The following CD44 variants were observed in gnomAD, a reference collection of about 807,000 sequenced individuals.
CD44 encodes CD44 antigen.
CD44 carries 49 observed loss-of-function variants against 88.8 expected under a neutral mutation model. That is an observed-to-expected ratio of 0.55 (90% CI 0.44 to 0.70). The LOEUF (loss-of-function observed/expected upper bound fraction) is 0.70. CD44 is among the 30% of genes least tolerant of loss of function. The probability of loss-of-function intolerance (pLI) is 0.00; values close to 1 mark genes in which losing one functional copy is unlikely to be tolerated. For synonymous variants in CD44, 325 were observed against 312.3 expected (o/e 1.04, Z -0.43); for missense variants, 883 against 913.8 (o/e 0.97, Z 0.43).
chr11:35,160,900 A>G (rs998342546), intron 1 of CD44, among the ~76,000 whole-genome samples: 3 of 152,182 alleles, frequency 2.0e-5, no homozygotes, highest in Non-Finnish European at 2.9e-5. Flanking sequence ...GGTGTTTTAT[A>G]AAGTCTCTCT....
intron 1 of CD44, among the ~76,000 whole-genome samples, chr11:35,166,119 C>T (rs1943233748): frequency 6.6e-6 from 1 of 152,140 alleles, no homozygotes; most frequent in Non-Finnish European, 1.5e-5. Context: ...CCCCAAGATG[C>T]TTTTTTCATT....
intron 1 of CD44, among the ~76,000 whole-genome samples, chr11:35,147,242 C>T (rs1859344341): frequency 6.6e-6 from 1 of 152,202 alleles, no homozygotes; most frequent in Non-Finnish European, 1.5e-5. Flanking sequence ...CTTACAGGCC[C>T]TTGGTTCCAG....
At chr11:35,140,541 A>C (rs1432177765) in intron 1 of CD44, among the ~76,000 whole-genome samples, 1 of 152,172 alleles carries the variant, frequency 6.6e-6, no homozygotes, top group Non-Finnish European at 1.5e-5. Flanking sequence ...ATCTTGAATT[A>C]CTTTCTGCTT....
intron 5 of CD44, among the ~76,000 whole-genome samples, chr11:35,194,957 A>G (rs1279454641): frequency 6.6e-6 from 1 of 152,172 alleles, no homozygotes; most frequent in African/African-American, 2.4e-5. Flanking sequence ...GTAATAAGAG[A>G]AGGAAATGCA....
At chr11:35,143,463 G>A (rs1858419761) in intron 1 of CD44, among the ~76,000 whole-genome samples, 1 of 151,956 alleles carries the variant, frequency 6.6e-6, no homozygotes, top group Non-Finnish European at 1.5e-5. Flanking sequence ...CCATTTTCTA[G>A]ATAAAGAGAT....
Position 35,139,358 on chromosome 11 carries a change from C to T in CD44, c.55C>T (p.Leu19=). Residue 19 remains leucine (L), a synonymous_variant, in exon 1 of 18, where the codon CTG becomes TTG. Coordinates refer to ENST00000428726, the MANE Select transcript of CD44 (RefSeq NM_000610.4). Reference sequence around the variant, plus strand: ...GGGACTCTGCCTCGTGCCGCTGAGCCTGGCGCAGATCGGTGAGTGCCCGCC... The same window carrying T: ...GGGACTCTGCCTCGTGCCGCTGAGCTTGGCGCAGATCGGTGAGTGCCCGCC... ...AWGLCLVPLS[L]AQIDLNITCR... 7.7e-6 allele frequency: 12 copies of T among 1,560,156 alleles called. No individual in the cohort carries two copies. Among genetic ancestry groups the T allele is most frequent in the Non-Finnish European group, 1.0e-5 (12 of 1,151,614 alleles).
chr11:35,165,398 A>G (rs1180207506), intron 1 of CD44, among the ~76,000 whole-genome samples: 1 of 152,178 alleles, frequency 6.6e-6, no homozygotes, highest in African/African-American at 2.4e-5. Flanking sequence ...GAGTCTGTGA[A>G]ACTTATGTCC....
chr11:35,205,589 T>C (rs1308123218), intron 10 of CD44: 2 of 153,902 alleles, frequency 1.3e-5, no homozygotes, highest in Non-Finnish European at 1.4e-5. Context: ...ATAAATCCCA[T>C]TGTTAGAAGG....
chr11:35,192,366 G>C (rs897093015), intron 5 of CD44, among the ~76,000 whole-genome samples: 42 of 152,334 alleles, frequency 2.8e-4, no homozygotes, highest in African/African-American at 9.4e-4. Flanking sequence ...AGTCAGCACT[G>C]TTAGGTTCCT....
intron 1 of CD44, among the ~76,000 whole-genome samples, chr11:35,160,481 T>C (rs1166520380): frequency 1.3e-5 from 2 of 152,126 alleles, no homozygotes; most frequent in Non-Finnish European, 2.9e-5. Context: ...GACACCAGAG[T>C]GAAATGCCAT....
Position 35,198,747 on chromosome 11 carries a change from G to C in CD44, c.922+501G>C, listed in dbSNP as rs542425130. On this transcript the variant is annotated intron_variant, in intron 7 of 17. Transcript: ENST00000428726. Reference sequence around the variant, plus strand: ...TAATCCCAGCACCCTGGGAGGCCGAGGCGGGCAGATGACGAGGTCAGGAGA... The same window carrying C: ...TAATCCCAGCACCCTGGGAGGCCGACGCGGGCAGATGACGAGGTCAGGAGA... Among the ~76,000 whole-genome samples, 735 of 152,228 alleles carry C rather than the reference G, an allele frequency of 4.8e-3. 2 individuals are homozygous for C. Among genetic ancestry groups the C allele is most frequent in the African/African-American group, 0.017 (717 of 41,524 alleles).
chr11:35,215,231 G>C (rs79748703), intron 15 of CD44, among the ~76,000 whole-genome samples: 1 of 152,210 alleles, frequency 6.6e-6, no homozygotes, highest in Non-Finnish European at 1.5e-5. Context: ...GCCTCAGGAA[G>C]AATTCAAGCA....
chr11:35,155,813 T>C (rs1399133297), intron 1 of CD44, among the ~76,000 whole-genome samples: 1 of 152,190 alleles, frequency 6.6e-6, no homozygotes, highest in East Asian at 1.9e-4. Flanking sequence ...ATGATGACCC[T>C]CAAGGGAAAT....
At chr11:35,155,583 A>C (rs1941755990) in intron 1 of CD44, among the ~76,000 whole-genome samples, 1 of 152,208 alleles carries the variant, frequency 6.6e-6, no homozygotes, top group Non-Finnish European at 1.5e-5. Context: ...TCTTCTACAA[A>C]AGAGAATTAT....
chr11:35,223,486 G>A (rs1949467761), intron 17 of CD44, among the ~76,000 whole-genome samples: 1 of 152,152 alleles, frequency 6.6e-6, no homozygotes, highest in Non-Finnish European at 1.5e-5. Context: ...AAGAGCAGCT[G>A]GAGTCCATAC....
intron 1 of CD44, among the ~76,000 whole-genome samples, chr11:35,143,613 C>T (rs1295641077): frequency 6.6e-6 from 1 of 152,090 alleles, no homozygotes; most frequent in Non-Finnish European, 1.5e-5. Context: ...ACTTTGGAAG[C>T]TATACGTGGC....
rs1944497814 is a variant in CD44, at chr11:35,176,643, CG to C, written c.138del (p.Thr47ArgfsTer24). 1 of 1,614,070 alleles carries C rather than the reference CG, an allele frequency of 6.2e-7. No individual in the cohort carries two copies. Among genetic ancestry groups the C allele is most frequent in the African/African-American group, 1.3e-5 (1 of 74,924 alleles). On this transcript the variant is annotated frameshift_variant, in exon 2 of 18. Transcript: ENST00000428726. LOFTEE classifies it high-confidence loss of function. ...VEKNGRYSIS[R>X]TEAADLCKAF... The stretch of plus-strand genomic sequence containing the variant: ...GAAAAATGGTCGCTACAGCATCTCT[CG>C]GACGGAGGCCGCTGACCTCTGCAAG...
At chr11:35,215,978 G>A (rs1948801401) in intron 15 of CD44, among the ~76,000 whole-genome samples, 1 of 150,534 alleles carries the variant, frequency 6.6e-6, no homozygotes, top group Non-Finnish European at 1.5e-5. Flanking sequence ...CTGTGACATA[G>A]GTAAGTACTA....
intron 1 of CD44, among the ~76,000 whole-genome samples, chr11:35,168,127 AG>A (rs1412886302): frequency 6.6e-6 from 1 of 152,220 alleles, no homozygotes; most frequent in Non-Finnish European, 1.5e-5. Context: ...TCCAGAATCA[AG>A]GGACTTCTGA....
Sources: gnomAD v4.1 joint callset for allele counts (sites outside exome capture counted in the v4.1 genomes callset) on GRCh38, gnomAD v4.1.1 for gene constraint, MANE v1.5 for transcripts, NCBI Gene and HGNC (gene_info 2026-07-23, HGNC 2026-07-21) for gene names.